The following GCA variants were observed in gnomAD, a reference collection of about 807,000 sequenced individuals.
GCA encodes the protein grancalcin, also known as grancalcin, EF-hand calcium-binding protein.
GCA carries 30 observed loss-of-function variants against 32.6 expected under a neutral mutation model. That is an observed-to-expected ratio of 0.92 (90% CI 0.69 to 1.25). The LOEUF (loss-of-function observed/expected upper bound fraction) is 1.25, where lower values mean the gene tolerates loss of function less well. Ranked by LOEUF, GCA falls within the 50% of genes most tolerant of loss-of-function variation. The probability of loss-of-function intolerance (pLI) is 0.00; values close to 1 mark genes in which losing one functional copy is unlikely to be tolerated. For synonymous variants in GCA, 102 were observed against 84.6 expected (o/e 1.21, Z -1.13); for missense variants, 291 against 266.8 (o/e 1.09, Z -0.63).
At chr2:162,352,250 T>A in intron 2 of GCA, 88 bp from the exon 3 acceptor site, 1 of 768,556 alleles carries the variant, frequency 1.3e-6, no homozygotes, top group Admixed American at 2.1e-5. Context: ...AATGCATATG[T>A]CTTGATTGGC....
chr2:162,322,248 T>C (rs1479279077), intron 1 of GCA, among the ~76,000 whole-genome samples: 1 of 151,518 alleles, frequency 6.6e-6, no homozygotes, highest in Non-Finnish European at 1.5e-5. Context: ...CACGTATCAA[T>C]AGATAAGTTT....
chr2:162,344,205 G>C lies in GCA; in HGVS notation c.-44G>C. ...CTGTGCTTTTTCTCCCAGCACTGCG[G>C]ACGCGACTCGAGGGTGACGCTCGCT... On this transcript the variant is annotated 5_prime_UTR_variant, in exon 1 of 8. Coordinates refer to ENST00000437150, the MANE Select transcript of GCA (RefSeq NM_012198.5). 1 of 1,612,848 alleles carries C rather than the reference G, an allele frequency of 6.2e-7. No homozygotes were observed. The highest frequency in any genetic ancestry group is 8.5e-7 in the Non-Finnish European group (1 of 1,179,164).
chr2:162,338,948 T>C (rs1684358190), intron 1 of GCA, among the ~76,000 whole-genome samples: 1 of 152,184 alleles, frequency 6.6e-6, no homozygotes. Context: ...GTTAACAATT[T>C]TATGCTAAAA....
chr2:162,359,071 C>T lies in GCA; in HGVS notation c.482C>T (p.Thr161Ile). ...TATAGGTTGAGTCCTCAAACATTAACTACTATTGTTAAACGTTATAGCAAG... is the reference window on the plus strand; with the variant it reads ...TATAGGTTGAGTCCTCAAACATTAATTACTATTGTTAAACGTTATAGCAAG... ...MGYRLSPQTL[T>I]TIVKRYSKNG... Residue 161 changes from threonine (T) to isoleucine (I), a missense_variant, in exon 6 of 8, where the codon ACT becomes ATT. Transcript: ENST00000437150. The T allele has an allele frequency of 1.9e-6, 3 of 1,589,314 alleles. No individual in the cohort carries two copies. The highest frequency in any genetic ancestry group is 2.6e-6 in the Non-Finnish European group (3 of 1,159,440).
chr2:162,362,204 C>T lies in GCA; in HGVS notation c.*1961C>T. The T allele has an allele frequency of 1.0e-6, 1 of 984,196 alleles. No individual in the cohort carries two copies. Among genetic ancestry groups the T allele is most frequent in the South Asian group, 4.7e-5 (1 of 21,270 alleles). The allele number at this position is 984,196 out of a possible 1,614,324, so 61.0% of individuals were successfully genotyped here. A position where few individuals can be genotyped will look rare whatever the true frequency, so the allele number is the denominator to read the frequency against. ...AAACCCCAAGGTTAATAAAATCAGT[C>T]ATGTTTAATTTTATTTGACCCAGTT... On this transcript the variant is annotated 3_prime_UTR_variant, in exon 8 of 8. Transcript: ENST00000437150.
At chr2:162,329,062 T>C (rs1683986389) in intron 1 of GCA, among the ~76,000 whole-genome samples, 1 of 152,102 alleles carries the variant, frequency 6.6e-6, no homozygotes, top group Admixed American at 6.5e-5. Context: ...GTTCTCCTCT[T>C]GATGTCCAGC....
intron 1 of GCA, among the ~76,000 whole-genome samples, chr2:162,321,114 A>G (rs1182715620): frequency 6.6e-6 from 1 of 152,190 alleles, no homozygotes; most frequent in Non-Finnish European, 1.5e-5. Context: ...AAAGGAGGTT[A>G]AGGAAACAAA....
upstream of GCA, among the ~76,000 whole-genome samples, chr2:162,340,526 C>A (rs1347419075): frequency 2.0e-5 from 3 of 152,200 alleles, no homozygotes; most frequent in Non-Finnish European, 2.9e-5. Context: ...TCTACACTAA[C>A]CTCCTTCTGT....
chr2:162,367,239 C>T (rs367587398), downstream of GCA, among the ~76,000 whole-genome samples: 135 of 152,004 alleles, frequency 8.9e-4, 2 homozygotes, highest in South Asian at 0.018. Flanking sequence ...TCCACCGTTC[C>T]GCACAAGAGC....
At chr2:162,332,434 G>T (rs1162523989) in intron 1 of GCA, among the ~76,000 whole-genome samples, 1 of 149,218 alleles carries the variant, frequency 6.7e-6, no homozygotes, top group Non-Finnish European at 1.5e-5. Flanking sequence ...GGACACTTTG[G>T]AGCATAAATC....
At chr2:162,321,287 A>C (rs545794747) in intron 1 of GCA, among the ~76,000 whole-genome samples, 1 of 152,238 alleles carries the variant, frequency 6.6e-6, no homozygotes, top group East Asian at 1.9e-4. Flanking sequence ...TCCCAAATGT[A>C]AGTTTCTTTT....
Position 162,361,076 on chromosome 2 carries a change from T to C in GCA, c.*833T>C. 1.1e-6 allele frequency: 1 copy of C among 947,210 alleles called. No individual in the cohort carries two copies. 58.7% of individuals were successfully genotyped at this position (947,210 alleles called of 1,614,324 possible). The stretch of plus-strand genomic sequence containing the variant: ...ATTAAATTGTTGTTTAAATGTAATG[T>C]CAACTCTTTATAAACTTAAAAATAA... On this transcript the variant is annotated 3_prime_UTR_variant, in exon 8 of 8. Transcript: ENST00000437150.
intron 1 of GCA, among the ~76,000 whole-genome samples, chr2:162,326,787 G>T (rs1683899473): frequency 6.6e-6 from 1 of 152,122 alleles, no homozygotes; most frequent in African/African-American, 2.4e-5. Flanking sequence ...CAAAGTGCTG[G>T]GATTACAGGC....
downstream of GCA, among the ~76,000 whole-genome samples, chr2:162,366,340 G>A (rs74467817): frequency 4.9e-3 from 751 of 151,880 alleles, 9 homozygotes; most frequent in African/African-American, 0.017. Flanking sequence ...ATATGGTTCC[G>A]TGTTCTTAAC....
At chr2:162,325,663 A>C (rs796446998) in intron 1 of GCA, among the ~76,000 whole-genome samples, 18 of 152,150 alleles carry the variant, frequency 1.2e-4, no homozygotes, top group African/African-American at 4.1e-4. Flanking sequence ...CGGTTGGATA[A>C]TGTTTGCCCC....
At chr2:162,345,912 A>T (rs920122368) in intron 1 of GCA, among the ~76,000 whole-genome samples, 1 of 152,200 alleles carries the variant, frequency 6.6e-6, no homozygotes, top group Non-Finnish European at 1.5e-5. Context: ...TTAACAAAAT[A>T]TAAAATGTCA....
At chr2:162,365,726 A>G (rs1001900481), downstream of GCA, among the ~76,000 whole-genome samples, 1 of 151,658 alleles carries the variant, frequency 6.6e-6, no homozygotes, top group African/African-American at 2.4e-5. Context: ...AATTTCAGCT[A>G]AAAAGCGTTA....
chr2:162,347,604 A>G lies in GCA; in HGVS notation c.54A>G (p.Pro18=). Residue 18 remains proline, a synonymous_variant, in exon 2 of 8, where the codon CCA becomes CCG. Coordinates refer to ENST00000437150, the MANE Select transcript of GCA (RefSeq NM_012198.5). ...GGFGNFSIQV[P]GMQMGQPVPE... Reference sequence around the variant, plus strand: ...TTGGAAATTTTAGCATTCAGGTGCCAGGAATGCAGATGGGACAGCCAGTGC... The same window carrying G: ...TTGGAAATTTTAGCATTCAGGTGCCGGGAATGCAGATGGGACAGCCAGTGC... 6 of 1,608,388 alleles carry G rather than the reference A, an allele frequency of 3.7e-6. No homozygotes were observed. Among genetic ancestry groups the G allele is most frequent in the Non-Finnish European group, 5.1e-6 (6 of 1,176,246 alleles).
chr2:162,341,094 ATTCCTC>A (rs1684426325), upstream of GCA, among the ~76,000 whole-genome samples: 1 of 151,858 alleles, frequency 6.6e-6, no homozygotes, highest in Non-Finnish European at 1.5e-5. Context: ...AAGCAAGGAC[ATTCCTC>A]CCCTCCTATT....
Sources: gnomAD v4.1 joint callset for allele counts (sites outside exome capture counted in the v4.1 genomes callset) on GRCh38, gnomAD v4.1.1 for gene constraint, MANE v1.5 for transcripts, NCBI Gene and HGNC (gene_info 2026-07-23, HGNC 2026-07-21) for gene names.